Variants in THSD7A observed in about 807,000 individuals in gnomAD.
THSD7A encodes the protein thrombospondin type 1 domain containing 7A.
Under a neutral mutation model 231.3 loss-of-function variants are expected in THSD7A, and 96 were observed. That is an observed-to-expected ratio of 0.41 (90% CI 0.35 to 0.49). The LOEUF (loss-of-function observed/expected upper bound fraction) is 0.49. Ranked by LOEUF, THSD7A falls within the 20% of genes least tolerant of loss-of-function variation. The pLI, the probability that THSD7A is intolerant of heterozygous loss-of-function variation, is 0.05. For missense variants in THSD7A, 2,290 were observed against 2,070.2 expected (o/e 1.11, Z -2.06); for synonymous variants, 940 against 743.3 (o/e 1.26, Z -4.30).
At chr7:11,533,420 T>C (rs1197692027) in intron 6 of THSD7A, among the ~76,000 whole-genome samples, 1 of 152,148 alleles carries the variant, frequency 6.6e-6, no homozygotes. Flanking sequence ...TCTGTTCCTG[T>C]TTTATGGTGA....
In THSD7A at chr7:11,379,688, G is replaced by A; in HGVS notation, c.4532C>T (p.Pro1511Leu). The A allele has an allele frequency of 6.3e-7, 1 of 1,592,616 alleles. No homozygotes were observed. The highest frequency in any genetic ancestry group is 8.6e-7 in the Non-Finnish European group (1 of 1,168,686). Residue 1511 changes from proline (P) to leucine (L), a missense_variant, in exon 25 of 28, where the codon CCT (proline) becomes CTT (leucine). By Grantham distance (98) the Pro-to-Leu change is moderately conservative. Transcript: ENST00000423059. ...TGGGTTACAAGACCTGTCGGCATCA[G>A]GCTGGCTCATCACCAAGCAGCCCCC... Reference protein sequence around the residue: ...VTGGCLVMSQPDADRSCNPPC... With the variant: ...VTGGCLVMSQLDADRSCNPPC...
At chr7:11,387,177 T>A (rs900378026) in intron 23 of THSD7A, among the ~76,000 whole-genome samples, 2 of 152,166 alleles carry the variant, frequency 1.3e-5, no homozygotes, top group Admixed American at 6.6e-5. Context: ...TTGCTTAGGA[T>A]TGTCTTGGCT....
At chr7:11,718,037 T>C (rs1781203379) in intron 1 of THSD7A, among the ~76,000 whole-genome samples, 1 of 151,598 alleles carries the variant, frequency 6.6e-6, no homozygotes, top group Non-Finnish European at 1.5e-5. Flanking sequence ...TTATCACAAA[T>C]ATATATGCAA....
chr7:11,391,200 C>G (rs1325251667), intron 23 of THSD7A, among the ~76,000 whole-genome samples: 14 of 152,130 alleles, frequency 9.2e-5, no homozygotes, highest in Admixed American at 9.2e-4. Flanking sequence ...TCACAGTGCC[C>G]CTTGCCCCAG....
chr7:11,800,771 T>C (rs992827681), intron 1 of THSD7A, among the ~76,000 whole-genome samples: 5 of 152,162 alleles, frequency 3.3e-5, no homozygotes, highest in African/African-American at 1.2e-4. Context: ...ATAAAGTTTC[T>C]ATTATGCAAG....
chr7:11,469,267 A>G (rs1785838177), intron 9 of THSD7A, among the ~76,000 whole-genome samples: 1 of 152,160 alleles, frequency 6.6e-6, no homozygotes, highest in South Asian at 2.1e-4. Context: ...CAGCAATGAG[A>G]AAAGACCCTG....
Position 11,474,293 on chromosome 7 carries a change from G to A in THSD7A, c.2252+41C>T, listed in dbSNP as rs528390582. ...GAAGCCTGAGCCAATCCTCTGCACA[G>A]GTGGCTACACGATTTACTGTTGTCA... On this transcript the variant is annotated intron_variant, in intron 8 of 27. Coordinates refer to ENST00000423059, the MANE Select transcript of THSD7A (RefSeq NM_015204.3). The surrounding 1 kb of genome is among the most constrained non-coding windows in gnomAD (Gnocchi z 4.1). 3 of 1,534,908 alleles carry A rather than the reference G, an allele frequency of 2.0e-6. No homozygotes were observed. Among genetic ancestry groups the A allele is most frequent in the Admixed American group, 1.7e-5 (1 of 57,260 alleles).
intron 4 of THSD7A, among the ~76,000 whole-genome samples, chr7:11,575,082 A>G (rs958852254): frequency 6.6e-6 from 1 of 152,182 alleles, no homozygotes; most frequent in African/African-American, 2.4e-5. Flanking sequence ...GATTATAGTG[A>G]GGGTCTCATA....
intron 14 of THSD7A, among the ~76,000 whole-genome samples, chr7:11,427,647 T>A: frequency 6.6e-6 from 1 of 152,160 alleles, no homozygotes; most frequent in East Asian, 1.9e-4. Context: ...TTTATTAGGA[T>A]TGGGAGTCAT....
chr7:11,767,208 T>G (rs1210994351), intron 1 of THSD7A, among the ~76,000 whole-genome samples: 1 of 152,130 alleles, frequency 6.6e-6, no homozygotes, highest in Admixed American at 6.5e-5. Context: ...AAAATTCAAT[T>G]TAAAAATATC....
intron 6 of THSD7A, among the ~76,000 whole-genome samples, chr7:11,536,993 G>A (rs1456017487): frequency 2.6e-5 from 4 of 152,000 alleles, no homozygotes; most frequent in African/African-American, 7.2e-5. Flanking sequence ...ACTTAAAATA[G>A]GGCATTATCT....
At chr7:11,384,051 AAAGTT>A (rs1159036417) in intron 23 of THSD7A, 1 of 152,010 alleles carries the variant, frequency 6.6e-6, no homozygotes, top group African/African-American at 2.4e-5. Flanking sequence ...TCTCGTCATT[AAAGTT>A]ATTTTCCATT....
chr7:11,378,942 C>T (rs1430506704), intron 26 of THSD7A, 128 bp downstream of exon 26: 1 of 793,334 alleles, frequency 1.3e-6, no homozygotes, highest in Non-Finnish European at 2.0e-6. Context: ...ATGGCACTAT[C>T]AGAATAAATG....
At chr7:11,790,708 C>G (rs912370489) in intron 1 of THSD7A, among the ~76,000 whole-genome samples, 12 of 151,778 alleles carry the variant, frequency 7.9e-5, no homozygotes, top group African/African-American at 2.9e-4. Flanking sequence ...AATTTTTAGA[C>G]TCAGTTATCC....
At position 11,805,627 on chromosome 7, in the gene THSD7A, A is replaced by G. The variant is rs956013843; in HGVS notation, c.190+26130T>C. Among the ~76,000 whole-genome samples the G allele has an allele frequency of 5.9e-5, 9 of 152,234 alleles. 1 individual carries two copies. The South Asian group carries it at 1.9e-3, about 32-fold the overall frequency. On this transcript the variant is annotated intron_variant, in intron 1 of 27. Transcript: ENST00000423059. Reference sequence around the variant, plus strand: ...AGGGATTTATTGATAATTTTTATTCATTCACATATCATTATATGGTTTTAA... The same window carrying G: ...AGGGATTTATTGATAATTTTTATTCGTTCACATATCATTATATGGTTTTAA...
chr7:11,752,947 TC>T, intron 1 of THSD7A, among the ~76,000 whole-genome samples: 1 of 151,812 alleles, frequency 6.6e-6, no homozygotes, highest in Non-Finnish European at 1.5e-5. Flanking sequence ...AATCAATCAA[TC>T]AATCAATCAA....
chr7:11,454,827 T>C (rs941448093), intron 11 of THSD7A, among the ~76,000 whole-genome samples: 5 of 152,006 alleles, frequency 3.3e-5, no homozygotes, highest in Non-Finnish European at 7.4e-5. Flanking sequence ...TTGGATTGGT[T>C]TTTAGAAATT....
chr7:11,465,940 A>G (rs960629357), intron 9 of THSD7A, among the ~76,000 whole-genome samples: 1 of 152,156 alleles, frequency 6.6e-6, no homozygotes, highest in Non-Finnish European at 1.5e-5. Context: ...AAAACACGTT[A>G]GCAAGTGCAC....
chr7:11,705,233 C>A (rs935441972), intron 1 of THSD7A, among the ~76,000 whole-genome samples: 1 of 150,842 alleles, frequency 6.6e-6, no homozygotes, highest in Non-Finnish European at 1.5e-5. Context: ...AATAAAAAGC[C>A]TCATTATAAT....
Sources: gnomAD v4.1 joint callset for allele counts (sites outside exome capture counted in the v4.1 genomes callset) on GRCh38, gnomAD v4.1.1 for gene constraint, Gnocchi (gnomAD v3.1) non-coding constraint, MANE v1.5 for transcripts, NCBI Gene and HGNC (gene_info 2026-07-23, HGNC 2026-07-21) for gene names.